The following KCND2 variants were observed in gnomAD, a reference collection of about 807,000 sequenced individuals.
KCND2 encodes potassium voltage-gated channel subfamily D member 2, also known as A-type voltage-gated potassium channel KCND2.
In KCND2, 16 loss-of-function variants were observed where a neutral mutation model predicts 54.4. The ratio of observed to expected loss-of-function variants is 0.29; its 90% CI spans 0.20 to 0.45. The LOEUF (loss-of-function observed/expected upper bound fraction) is 0.45, where lower values mean the gene tolerates loss of function less well. KCND2 is among the 20% of genes least tolerant of loss of function. The pLI is 1.00. For missense variants in KCND2, 486 were observed against 824.2 expected (o/e 0.59, Z 5.02); for synonymous variants, 317 against 310.7 (o/e 1.02, Z -0.21).
At chr7:120,415,470 A>G (rs111979829) in intron 1 of KCND2, among the ~76,000 whole-genome samples, 4,071 of 151,652 alleles carry the variant, frequency 0.027, 86 homozygotes, top group Non-Finnish European at 0.045. Context: ...TATTCTGCCT[A>G]CTTTACCACA....
intron 1 of KCND2, among the ~76,000 whole-genome samples, chr7:120,603,678 C>G (rs1452312905): frequency 6.6e-6 from 1 of 152,170 alleles, no homozygotes; most frequent in Non-Finnish European, 1.5e-5. Context: ...TTGGGGAGAG[C>G]CAAACATCAT....
intron 1 of KCND2, among the ~76,000 whole-genome samples, chr7:120,541,601 C>T (rs1791980184): frequency 1.3e-5 from 2 of 152,080 alleles, no homozygotes; most frequent in African/African-American, 2.4e-5. Flanking sequence ...GTTCCAAGCA[C>T]AAAAGGTCCT....
At chr7:120,692,196 C>G (rs966402193) in intron 1 of KCND2, among the ~76,000 whole-genome samples, 2 of 152,082 alleles carry the variant, frequency 1.3e-5, no homozygotes, top group African/African-American at 4.8e-5. Context: ...GAAGCTTTTT[C>G]ATTTGTTTGG....
intron 1 of KCND2, among the ~76,000 whole-genome samples, chr7:120,624,901 A>C (rs1263652897): frequency 6.6e-6 from 1 of 152,230 alleles, no homozygotes; most frequent in Non-Finnish European, 1.5e-5. Flanking sequence ...ATGGTAGAGC[A>C]AGCAAGCAGT....
At chr7:120,302,854 A>T (rs2116298312) in intron 1 of KCND2, among the ~76,000 whole-genome samples, 1 of 152,338 alleles carries the variant, frequency 6.6e-6, no homozygotes, top group African/African-American at 2.4e-5. Flanking sequence ...TAATTCAGTG[A>T]ACTTGAGTAG....
intron 1 of KCND2, among the ~76,000 whole-genome samples, chr7:120,586,913 A>G (rs1343446303): frequency 6.6e-6 from 1 of 152,166 alleles, no homozygotes; most frequent in Non-Finnish European, 1.5e-5. Flanking sequence ...CTTTATAAAA[A>G]GCCCCCAAAG....
At chr7:120,629,643 G>A (rs1201533982) in intron 1 of KCND2, among the ~76,000 whole-genome samples, 1 of 152,212 alleles carries the variant, frequency 6.6e-6, no homozygotes, top group African/African-American at 2.4e-5. Flanking sequence ...ATGGGGTCAA[G>A]GTGGACGCTG....
chr7:120,613,664 T>C (rs908069725), intron 1 of KCND2, among the ~76,000 whole-genome samples: 2 of 152,228 alleles, frequency 1.3e-5, no homozygotes, highest in Non-Finnish European at 2.9e-5. Context: ...TATACCATTA[T>C]GTAACTCATC....
chr7:120,723,357 T>C (rs1378952487), intron 1 of KCND2, among the ~76,000 whole-genome samples: 1 of 152,176 alleles, frequency 6.6e-6, no homozygotes, highest in Admixed American at 6.6e-5. Flanking sequence ...GAAAAATAAC[T>C]ACCACACGAT....
intron 2 of KCND2, among the ~76,000 whole-genome samples, chr7:120,734,674 TG>T (rs1201978940): frequency 1.8e-4 from 28 of 152,310 alleles, no homozygotes; most frequent in African/African-American, 6.7e-4. Context: ...TAGTTTCCTT[TG>T]GACTTATGGC....
intron 1 of KCND2, among the ~76,000 whole-genome samples, chr7:120,537,942 T>G (rs887793193): frequency 3.3e-5 from 5 of 152,198 alleles, no homozygotes; most frequent in African/African-American, 7.2e-5. Context: ...CATTCATGAG[T>G]TCACCAAAAT....
At chr7:120,544,163 G>A (rs1422339743) in intron 1 of KCND2, among the ~76,000 whole-genome samples, 1 of 151,954 alleles carries the variant, frequency 6.6e-6, no homozygotes, top group Non-Finnish European at 1.5e-5. Context: ...TATTGAGACA[G>A]GAGTATACTG....
Position 120,462,526 on chromosome 7 carries a change from A to G in KCND2, c.1115+186779A>G, listed in dbSNP as rs1802298373. Among the ~76,000 whole-genome samples, 6 of 152,128 alleles carry G rather than the reference A, an allele frequency of 3.9e-5. No individual in the cohort carries two copies. The South Asian group carries it at 1.2e-3, about 32-fold the overall frequency. On this transcript the variant is annotated intron_variant, in intron 1 of 5. Transcript: ENST00000331113. ...TGGGTTTCTGGCCAAGAGGAATATTACCATTTCTGATAATTCTCTTTTAAC... is the reference window on the plus strand; with the variant it reads ...TGGGTTTCTGGCCAAGAGGAATATTGCCATTTCTGATAATTCTCTTTTAAC...
chr7:120,540,415 G>C (rs191787008), intron 1 of KCND2, among the ~76,000 whole-genome samples: 39 of 152,006 alleles, frequency 2.6e-4, no homozygotes, highest in African/African-American at 8.0e-4. Flanking sequence ...TCTCAATATA[G>C]TTACTTAAAT....
chr7:120,317,246 T>A (rs1391107919), intron 1 of KCND2, among the ~76,000 whole-genome samples: 1 of 152,194 alleles, frequency 6.6e-6, no homozygotes, highest in Non-Finnish European at 1.5e-5. Context: ...TTGACCTGCT[T>A]TTATTATGAG....
chr7:120,666,008 G>A (rs1791922206), intron 1 of KCND2, among the ~76,000 whole-genome samples: 1 of 152,036 alleles, frequency 6.6e-6, no homozygotes, highest in African/African-American at 2.4e-5. Flanking sequence ...TACTGGAGGG[G>A]AGGGCATAAT....
At chr7:120,523,700 CACTCTGTGTG>C (rs1791730408) in intron 1 of KCND2, among the ~76,000 whole-genome samples, 1 of 114,320 alleles carries the variant, frequency 8.7e-6, no homozygotes, top group African/African-American at 4.5e-5. Flanking sequence ...CACACACACA[CACTCTGTGTG>C]TGTGTGTGTG....
intron 1 of KCND2, among the ~76,000 whole-genome samples, chr7:120,540,820 A>G (rs1299796978): frequency 6.6e-6 from 1 of 152,204 alleles, no homozygotes; most frequent in African/African-American, 2.4e-5. Context: ...TCTATAAAAA[A>G]AAATAACAAT....
chr7:120,637,894 C>A (rs76315408), intron 1 of KCND2, among the ~76,000 whole-genome samples: 1 of 151,830 alleles, frequency 6.6e-6, no homozygotes, highest in Non-Finnish European at 1.5e-5. Context: ...GAAGACCCAG[C>A]GGAATCCTTA....
Sources: gnomAD v4.1 joint callset for allele counts (sites outside exome capture counted in the v4.1 genomes callset) on GRCh38, gnomAD v4.1.1 for gene constraint, MANE v1.5 for transcripts, NCBI Gene and HGNC (gene_info 2026-07-23, HGNC 2026-07-21) for gene names.